Variants in IPO11 observed in about 807,000 individuals in gnomAD.
IPO11 encodes importin 11.
Under a neutral mutation model 143.2 loss-of-function variants are expected in IPO11, and 66 were observed. That is an observed-to-expected ratio of 0.46 (90% CI 0.38 to 0.57). The LOEUF (loss-of-function observed/expected upper bound fraction) is 0.57, where lower values mean the gene tolerates loss of function less well. Ranked by LOEUF, IPO11 falls within the 20% of genes least tolerant of loss-of-function variation. The pLI, the probability that IPO11 is intolerant of heterozygous loss-of-function variation, is 0.00. For synonymous variants in IPO11, 385 were observed against 377.8 expected, an observed-to-expected ratio of 1.02 and a Z score of -0.22; for missense variants, 1,026 against 1,141.0, an observed-to-expected ratio of 0.90 and a Z score of 1.45.
In IPO11 at chr5:62,567,805, G is replaced by T. The variant is rs556610451; in HGVS notation, c.2582+6548G>T. ...TCAAACTCCTGACCTAAGGTGATCC[G>T]CCCACCTCAGCCTCCCAAAGTGCTG... On this transcript the variant is annotated intron_variant, in intron 27 of 29. Coordinates refer to ENST00000325324, the MANE Select transcript of IPO11 (RefSeq NM_016338.5). Among the ~76,000 whole-genome samples, 16 of 151,116 alleles carry T rather than the reference G, an allele frequency of 1.1e-4. No individual in the cohort carries two copies. The East Asian group carries it at 3.1e-3, about 29-fold the overall frequency.
chr5:62,590,670 T>C (rs750218114), intron 27 of IPO11, among the ~76,000 whole-genome samples: 8 of 152,190 alleles, frequency 5.3e-5, no homozygotes, highest in Non-Finnish European at 1.0e-4. Flanking sequence ...AAATTTTGTC[T>C]GTGTTACTGC....
chr5:62,584,740 TTTTG>T (rs1744706615), intron 27 of IPO11, among the ~76,000 whole-genome samples: 1 of 149,428 alleles, frequency 6.7e-6, no homozygotes, highest in African/African-American at 2.5e-5. Context: ...TTGTTTTGTT[TTTTG>T]TTTTTGTTTT....
intron 8 of IPO11, among the ~76,000 whole-genome samples, chr5:62,474,799 C>T (rs899159814): frequency 1.3e-5 from 2 of 152,126 alleles, no homozygotes; most frequent in Non-Finnish European, 2.9e-5. Context: ...AGTACCAAAC[C>T]CTTTGTGTAC....
chr5:62,440,534 T>C (rs1259902293), intron 2 of IPO11, among the ~76,000 whole-genome samples: 1 of 151,922 alleles, frequency 6.6e-6, no homozygotes, highest in Admixed American at 6.6e-5. Flanking sequence ...TTTTTGTATT[T>C]TTAGTAGAGA....
intron 1 of IPO11, among the ~76,000 whole-genome samples, chr5:62,426,140 A>G (rs541040454): frequency 6.6e-6 from 1 of 152,302 alleles, no homozygotes; most frequent in Admixed American, 6.5e-5. Flanking sequence ...TAATCCCAGC[A>G]CTTTGGGAGG....
At chr5:62,476,337 T>C (rs1314897540) in intron 8 of IPO11, among the ~76,000 whole-genome samples, 1 of 152,128 alleles carries the variant, frequency 6.6e-6, no homozygotes, top group Non-Finnish European at 1.5e-5. Flanking sequence ...TGATAATGAG[T>C]GTGTTACTCC....
intron 1 of IPO11, among the ~76,000 whole-genome samples, chr5:62,419,674 G>A (rs1375851899): frequency 2.0e-5 from 3 of 152,008 alleles, no homozygotes; most frequent in African/African-American, 4.8e-5. Flanking sequence ...TTTTTTAATA[G>A]GAGTAGTACA....
intron 8 of IPO11, among the ~76,000 whole-genome samples, chr5:62,475,780 T>C (rs1745937238): frequency 6.6e-6 from 1 of 152,272 alleles, no homozygotes; most frequent in Admixed American, 6.5e-5. Flanking sequence ...TCCTTTGTTA[T>C]TCACTACCCC....
intron 26 of IPO11, among the ~76,000 whole-genome samples, chr5:62,552,368 AG>A (rs1743416271): frequency 6.6e-6 from 1 of 152,088 alleles, no homozygotes; most frequent in African/African-American, 2.4e-5. Flanking sequence ...TTCTAGAATT[AG>A]ACTAATCTAA....
At chr5:62,601,880 G>T in intron 29 of IPO11, 32 bp downstream of exon 29, 1 of 1,338,904 alleles carries the variant, frequency 7.5e-7, no homozygotes, top group Non-Finnish European at 1.0e-6. Context: ...TAAAAATTAA[G>T]AACCATATAT....
At chr5:62,586,767 AAATATATATATATATATAT>A (rs1319445882) in intron 27 of IPO11, among the ~76,000 whole-genome samples, 3 of 55,994 alleles carry the variant, frequency 5.4e-5, no homozygotes, top group African/African-American at 1.4e-4. Context: ...AAAAAAAAAA[AAATATATATATATATATAT>A]ATATATATAT....
At position 62,423,938 on chromosome 5, in the gene IPO11, G is replaced by A. The variant is rs1363841895; in HGVS notation, c.-7+11009G>A. ...GCTTTTGACTCTGGGCAGTTTAACA[G>A]TTTGCTTGTATTTCCTATCCATGAT... On this transcript the variant is annotated intron_variant, in intron 1 of 29. Transcript: ENST00000325324. 2.0e-5 allele frequency among the ~76,000 whole-genome samples: 3 copies of A among 152,120 alleles called. No homozygotes were observed. In the East Asian group the frequency reaches 5.8e-4, roughly 29 times the overall value.
chr5:62,596,321 A>C (rs1389527248), intron 28 of IPO11, among the ~76,000 whole-genome samples: 4 of 151,582 alleles, frequency 2.6e-5, no homozygotes, highest in African/African-American at 9.7e-5. Context: ...AGAGGCACTA[A>C]AATTTGACTA....
chr5:62,579,988 A>G, intron 27 of IPO11: 1 of 1,551,262 alleles, frequency 6.4e-7, no homozygotes, highest in African/African-American at 1.4e-5. Context: ...TGCTCTTCGG[A>G]TACTTGATTT....
Position 62,484,056 on chromosome 5 carries a change from C to A in IPO11, c.1068C>A (p.Phe356Leu), listed in dbSNP as rs535480661. The A allele has an allele frequency of 3.7e-6, 6 of 1,609,166 alleles. No homozygotes were observed. The African/African-American group carries it at 8.0e-5, about 22-fold the overall frequency. ...TLEAHKIKMA[F>L]FTYPTLTEIC... is the part of the protein sequence containing the mutation. ...AAGCCCATAAGATTAAGATGGCATT[C>A]TTCACATATCCTACTTTGACAGAGA... Residue 356 changes from phenylalanine (F) to leucine (L), a missense_variant, in exon 11 of 30, where the codon TTC becomes TTA. Around this residue, in one of 5 missense-constraint regions of IPO11, gnomAD observed 429 missense variants for 456.3 expected, o/e 0.94. Coordinates refer to ENST00000325324, the MANE Select transcript of IPO11 (RefSeq NM_016338.5).
chr5:62,486,130 G>A (rs547803131), intron 12 of IPO11, among the ~76,000 whole-genome samples: 155 of 151,596 alleles, frequency 1.0e-3, no homozygotes, highest in African/African-American at 3.5e-3. Flanking sequence ...ACAGGCGCCC[G>A]CCACCACGCC....
chr5:62,572,511 A>G (rs1179062596), intron 27 of IPO11, among the ~76,000 whole-genome samples: 2 of 152,118 alleles, frequency 1.3e-5, no homozygotes, highest in Non-Finnish European at 2.9e-5. Flanking sequence ...TTGATTTTAT[A>G]GTACACAATC....
At chr5:62,511,510 A>G (rs1391210892) in intron 19 of IPO11, among the ~76,000 whole-genome samples, 1 of 152,194 alleles carries the variant, frequency 6.6e-6, no homozygotes, top group East Asian at 1.9e-4. Context: ...ATTCACTTAT[A>G]TCTTACTGAG....
chr5:62,475,286 C>T (rs976351054), intron 8 of IPO11, among the ~76,000 whole-genome samples: 5 of 152,062 alleles, frequency 3.3e-5, no homozygotes, highest in Admixed American at 6.5e-5. Flanking sequence ...TTTGGGAGGC[C>T]GAGGCGAGTG....
Sources: gnomAD v4.1 joint callset for allele counts (sites outside exome capture counted in the v4.1 genomes callset) on GRCh38, gnomAD v4.1.1 for gene constraint, gnomAD v4.1.1 regional missense constraint, MANE v1.5 for transcripts, NCBI Gene and HGNC (gene_info 2026-07-23, HGNC 2026-07-21) for gene names.